DPYD: variants seen among roughly 807,000 people sequenced by gnomAD.
DPYD encodes the protein dihydropyrimidine dehydrogenase [NADP(+)].
In DPYD, 109 loss-of-function variants were observed where a neutral mutation model predicts 116.2. That is an observed-to-expected ratio of 0.94 (90% CI 0.80 to 1.10). The LOEUF (loss-of-function observed/expected upper bound fraction) is 1.10. Ranked by LOEUF, DPYD falls within the 50% of genes least tolerant of loss-of-function variation. DPYD has a pLI of 0.00. For synonymous variants in DPYD, 440 were observed against 432.0 expected (o/e 1.02, Z -0.23); for missense variants, 1,302 against 1,254.5 (o/e 1.04, Z -0.57).
chr1:97,112,364 T>A (rs1437307100), intron 20 of DPYD, among the ~76,000 whole-genome samples: 2 of 152,176 alleles, frequency 1.3e-5, no homozygotes, highest in Non-Finnish European at 2.9e-5. Context: ...TACAGTTATG[T>A]AATTTTGTGC....
chr1:97,114,547 G>C (rs1651831126), intron 20 of DPYD, among the ~76,000 whole-genome samples: 1 of 152,096 alleles, frequency 6.6e-6, no homozygotes, highest in Non-Finnish European at 1.5e-5. Context: ...GACAGACTTA[G>C]TTATTTCTAG....
chr1:97,351,970 C>A (rs935660757), intron 16 of DPYD, among the ~76,000 whole-genome samples: 10 of 152,192 alleles, frequency 6.6e-5, no homozygotes, highest in African/African-American at 2.4e-4. Flanking sequence ...AAATTTGTAG[C>A]CATACCAGAG....
At chr1:97,387,973 G>T (rs1672450573) in intron 14 of DPYD, among the ~76,000 whole-genome samples, 1 of 152,096 alleles carries the variant, frequency 6.6e-6, no homozygotes, top group East Asian at 1.9e-4. Context: ...TTCAAAAGAT[G>T]CTTGTGACTA....
chr1:97,365,990 T>C (rs574279468), intron 16 of DPYD, among the ~76,000 whole-genome samples: 1 of 152,304 alleles, frequency 6.6e-6, no homozygotes, highest in African/African-American at 2.4e-5. Context: ...ACAACAATAT[T>C]TCCTGACCTA....
chr1:97,584,012 C>T lies in DPYD; in HGVS notation c.1128+9206G>A, dbSNP rs556294354. On this transcript the variant is annotated intron_variant, in intron 10 of 22. Coordinates refer to ENST00000370192, the MANE Select transcript of DPYD (RefSeq NM_000110.4). ...ACACTGACTTTCCACAATGGTTGAACTAGTTTACAGTCCCACGAACAGTGT... is the reference window on the plus strand; with the variant it reads ...ACACTGACTTTCCACAATGGTTGAATTAGTTTACAGTCCCACGAACAGTGT... Among the ~76,000 whole-genome samples, 150 of 152,270 alleles carry T rather than the reference C, an allele frequency of 9.9e-4. 1 individual carries two copies. The highest frequency in any genetic ancestry group is 2.7e-3 in the Admixed American group (41 of 15,292).
intron 11 of DPYD, among the ~76,000 whole-genome samples, chr1:97,570,717 CT>C (rs557953770): frequency 0.018 from 2,646 of 145,200 alleles, 39 homozygotes; most frequent in Non-Finnish European, 0.027. Context: ...ATAAGGTGAA[CT>C]TTTTTTTTTT....
At chr1:97,877,165 C>T (rs1299417878) in intron 2 of DPYD, among the ~76,000 whole-genome samples, 1 of 151,964 alleles carries the variant, frequency 6.6e-6, no homozygotes, top group African/African-American at 2.4e-5. Flanking sequence ...TGACTGTCAT[C>T]TTTTCAAGAA....
chr1:97,831,990 G>A (rs112156629), intron 2 of DPYD, among the ~76,000 whole-genome samples: 4 of 149,838 alleles, frequency 2.7e-5, no homozygotes, highest in Non-Finnish European at 1.5e-5. Context: ...CTGAAAATTC[G>A]GAACAATTTG....
At chr1:97,726,605 CA>C (rs1478253849) in intron 4 of DPYD, among the ~76,000 whole-genome samples, 2 of 151,280 alleles carry the variant, frequency 1.3e-5, no homozygotes, top group Non-Finnish European at 3.0e-5. Context: ...CTCCATGACT[CA>C]AAATTCCCAT....
intron 20 of DPYD, among the ~76,000 whole-genome samples, chr1:97,173,292 A>G (rs915811443): frequency 1.7e-4 from 22 of 130,688 alleles, no homozygotes; most frequent in African/African-American, 6.4e-4. Context: ...ACATATATGT[A>G]CACATATGTA....
At chr1:97,319,893 T>C (rs1264859291) in intron 16 of DPYD, among the ~76,000 whole-genome samples, 1 of 105,012 alleles carries the variant, frequency 9.5e-6, no homozygotes, top group African/African-American at 3.5e-5. Context: ...CATGATCAAG[T>C]GGGCTTCATC....
intron 7 of DPYD, 136 bp from the exon 8 acceptor site, chr1:97,679,318 T>C: frequency 1.8e-6 from 1 of 562,952 alleles, no homozygotes; most frequent in Non-Finnish European, 3.2e-6. Flanking sequence ...CATTTTTGTC[T>C]TTTAGTATAT....
intron 14 of DPYD, among the ~76,000 whole-genome samples, chr1:97,422,727 C>T (rs2101703222): frequency 6.6e-6 from 1 of 152,164 alleles, no homozygotes; most frequent in East Asian, 1.9e-4. Flanking sequence ...TTCAAGAAAA[C>T]ATATATGACA....
At chr1:97,091,689 C>T (rs1649907527) in intron 21 of DPYD, among the ~76,000 whole-genome samples, 1 of 152,142 alleles carries the variant, frequency 6.6e-6, no homozygotes, top group Non-Finnish European at 1.5e-5. Context: ...TAGAGCTGTG[C>T]TGTGTATAAT....
intron 19 of DPYD, among the ~76,000 whole-genome samples, chr1:97,203,791 T>A (rs1659402790): frequency 4.8e-5 from 3 of 62,052 alleles, no homozygotes; most frequent in Non-Finnish European, 7.6e-5. Context: ...ACATTCACAT[T>A]CCAAAAAAAA....
intron 13 of DPYD, among the ~76,000 whole-genome samples, chr1:97,475,623 G>A (rs575395822): frequency 6.6e-6 from 1 of 152,138 alleles, no homozygotes; most frequent in Non-Finnish European, 1.5e-5. Flanking sequence ...CTTACTCTTT[G>A]TGGATCTGTC....
chr1:97,097,465 G>A (rs576245153), intron 21 of DPYD, among the ~76,000 whole-genome samples: 2 of 152,242 alleles, frequency 1.3e-5, no homozygotes, highest in South Asian at 2.1e-4. Context: ...GGAGATGTAG[G>A]AGTAGAGTGT....
intron 13 of DPYD, among the ~76,000 whole-genome samples, chr1:97,471,104 T>C (rs1677623363): frequency 6.6e-6 from 1 of 152,218 alleles, no homozygotes; most frequent in African/African-American, 2.4e-5. Context: ...AGAACAGGTC[T>C]AGGCCATACA....
Position 97,783,383 on chromosome 1 carries a change from T to A in DPYD, c.234-42904A>T, listed in dbSNP as rs192998040. The stretch of plus-strand genomic sequence containing the variant: ...TACAGCTTTGTTATTTTATTTTATT[T>A]TTTATTTATTTATTTACTTATTTAT... On this transcript the variant is annotated intron_variant, in intron 3 of 22. Coordinates refer to ENST00000370192, the MANE Select transcript of DPYD (RefSeq NM_000110.4). 4.6e-3 allele frequency among the ~76,000 whole-genome samples: 706 copies of A among 152,194 alleles called. 5 individuals carry two copies. The highest frequency in any genetic ancestry group is 7.2e-3 in the Non-Finnish European group (493 of 68,004).
Sources: allele counts gnomAD v4.1 joint callset (sites outside exome capture counted in the v4.1 genomes callset), GRCh38; gene constraint gnomAD v4.1.1; transcripts MANE v1.5; gene names NCBI Gene and HGNC (gene_info 2026-07-23, HGNC 2026-07-21).